Variants in SLC6A13 observed in about 807,000 individuals in gnomAD.
SLC6A13 encodes the protein sodium- and chloride-dependent GABA transporter 2.
In SLC6A13, 69 loss-of-function variants were observed where a neutral mutation model predicts 72.9. That is an observed-to-expected ratio of 0.95 (90% confidence interval 0.78 to 1.16). The LOEUF is 1.16. Among genes scored for constraint, SLC6A13 ranks in the 50% most tolerant of loss-of-function variants. SLC6A13 has a pLI of 0.00. For synonymous variants in SLC6A13, 303 were observed against 303.0 expected (o/e 1.00, Z 0.00); for missense variants, 735 against 760.5 (o/e 0.97, Z 0.39).
In SLC6A13 at chr12:235,111, G is replaced by A; in HGVS notation, c.810C>T (p.Leu270=). The change falls in exon 7 of 15, where the codon CTC becomes CTT. Residue 270 remains leucine, a synonymous_variant. Transcript: ENST00000343164. ...TTACCTGGGGATCCCACAGACGCGT[G>A]AGGTTTGGGTACAGGTAAAACTGAA... ...QGIQFYLYPN[L]TRLWDPQVWM... 4 of 1,614,260 alleles carry A rather than the reference G, an allele frequency of 2.5e-6. No homozygotes were observed. The highest frequency in any genetic ancestry group is 1.3e-5 in the African/African-American group (1 of 75,068).
intron 4 of SLC6A13, among the ~76,000 whole-genome samples, chr12:240,117 G>A (rs1275582927): frequency 1.3e-5 from 2 of 152,076 alleles, no homozygotes; most frequent in African/African-American, 2.4e-5. Flanking sequence ...TGACAGGCTG[G>A]TTGTCAAGGG....
intron 6 of SLC6A13, among the ~76,000 whole-genome samples, chr12:236,463 A>C (rs1941935330): frequency 6.6e-6 from 1 of 152,212 alleles, no homozygotes; most frequent in African/African-American, 2.4e-5. Flanking sequence ...GGTTCCCCGG[A>C]TATAGTTCCA....
At chr12:235,580 T>C (rs1941900516) in intron 6 of SLC6A13, among the ~76,000 whole-genome samples, 1 of 152,204 alleles carries the variant, frequency 6.6e-6, no homozygotes, top group Non-Finnish European at 1.5e-5. Context: ...ACCGTGATAA[T>C]TGTATTAACT....
chr12:253,220 C>T (rs1414333767), intron 2 of SLC6A13, among the ~76,000 whole-genome samples: 2 of 152,208 alleles, frequency 1.3e-5, no homozygotes, highest in Non-Finnish European at 2.9e-5. Context: ...AAAAGGAGCA[C>T]GCTCTGTGGT....
intron 5 of SLC6A13, 138 bp downstream of exon 5, chr12:237,788 C>T: frequency 1.5e-6 from 1 of 674,530 alleles, no homozygotes; most frequent in South Asian, 1.8e-5. Flanking sequence ...TAACCACAAA[C>T]ATAGGCACCA....
intron 4 of SLC6A13, among the ~76,000 whole-genome samples, chr12:239,074 ACG>A (rs1211309507): frequency 3.7e-4 from 56 of 150,172 alleles, no homozygotes; most frequent in African/African-American, 9.1e-4. Flanking sequence ...CTGCTCTACC[ACG>A]TCCACCCTGT....
Position 243,312 on chromosome 12 carries a change from G to A in SLC6A13, c.337+367C>T, listed in dbSNP as rs551855497. On this transcript the variant is annotated intron_variant, in intron 3 of 14. Transcript: ENST00000343164. ...TTACAGGCATGGGCCACCACGCCCG[G>A]CCAAGATAGAACTATGAATGAAATA... Among the ~76,000 whole-genome samples the A allele has an allele frequency of 4.3e-4, 65 of 152,336 alleles. No individual in the cohort carries two copies. In the South Asian group the frequency reaches 0.013, roughly 31 times the overall value.
At chr12:259,719 T>C (rs1423122926) in intron 2 of SLC6A13, 132 bp downstream of exon 2, 11 of 1,581,524 alleles carry the variant, frequency 7.0e-6, no homozygotes, top group Non-Finnish European at 9.5e-6. Flanking sequence ...GTGTCCTTAA[T>C]GACCTCTAAG....
chr12:259,533 C>G (rs1222219265), intron 2 of SLC6A13: 1 of 1,359,420 alleles, frequency 7.4e-7, no homozygotes, highest in Non-Finnish European at 9.4e-7. Context: ...GCAATTGATG[C>G]TCTGAGAGCT....
chr12:254,636 T>C lies in SLC6A13; in HGVS notation c.202+5215A>G, dbSNP rs535118198. On this transcript the variant is annotated intron_variant, in intron 2 of 14. Transcript: ENST00000343164. The surrounding 1 kb of genome is among the most constrained non-coding windows in gnomAD (Gnocchi z 4.4). ...GTTTCTCATTTTCTGTCTCCTCTGC[T>C]GGTTTCCCATCTTCTCCCAGACCCA... is the stretch of plus-strand genomic sequence containing the variant. 2.6e-5 allele frequency among the ~76,000 whole-genome samples: 4 copies of C among 152,340 alleles called. No homozygotes were observed. Among genetic ancestry groups the C allele is most frequent in the Non-Finnish European group, 4.4e-5 (3 of 68,032 alleles).
At chr12:259,816 G>A in intron 2 of SLC6A13, 35 bp downstream of exon 2, 1 of 1,614,230 alleles carries the variant, frequency 6.2e-7, no homozygotes, top group Admixed American at 1.7e-5. Context: ...CTCCTTCCAG[G>A]AGTGGGTGGG....
intron 2 of SLC6A13, among the ~76,000 whole-genome samples, chr12:246,137 A>AAATG (rs1401580588): frequency 3.2e-4 from 20 of 63,090 alleles, no homozygotes; most frequent in South Asian, 4.8e-4. Flanking sequence ...AAGTAAAAAT[A>AAATG]AATAAATAAA....
chr12:238,411 C>T lies in SLC6A13; in HGVS notation c.479-401G>A, dbSNP rs1455482892. ...GAGAGCGCAGGTTGGAAAGCTCTGG[C>T]TTGAATGCTGACCCCACGGGTATGA... On this transcript the variant is annotated intron_variant, in intron 4 of 14. Transcript: ENST00000343164. 1.9e-5 allele frequency: 21 copies of T among 1,118,752 alleles called. No individual in the cohort carries two copies. The East Asian group carries it at 9.7e-4, about 52-fold the overall frequency. 69.3% of individuals were successfully genotyped at this position (1,118,752 alleles called of 1,614,324 possible).
chr12:238,388 G>T, intron 4 of SLC6A13: 1 of 1,278,036 alleles, frequency 7.8e-7, no homozygotes, highest in Non-Finnish European at 1.0e-6. Context: ...GAGTGGCCGA[G>T]AGCGCAGGTT....
In SLC6A13 at chr12:259,998, G is replaced by T. The variant is rs748228106; in HGVS notation, c.55C>A (p.Pro19Thr). The T allele has an allele frequency of 6.2e-7, 1 of 1,614,094 alleles. No homozygotes were observed. The highest frequency in any genetic ancestry group is 8.5e-7 in the Non-Finnish European group (1 of 1,180,020). The change falls in exon 2 of 15, where the codon CCA becomes ACA. Residue 19 changes from proline to threonine, a missense_variant. Pro to Thr is a conservative substitution (Grantham distance 38). Transcript: ENST00000343164. ...TCTTCCTCCTTCTTTTCCATGACTG[G>T]ATACACTGGTTTTGTCTCTCCATTA... ...TSNGETKPVY[P>T]VMEKKEEDGT...
chr12:220,943 G>A lies in SLC6A13; in HGVS notation c.*5C>T, dbSNP rs1488410730. The A allele has an allele frequency of 6.2e-7, 1 of 1,611,860 alleles. No homozygotes were observed. Among genetic ancestry groups the A allele is most frequent in the Non-Finnish European group, 8.5e-7 (1 of 1,179,852 alleles). On this transcript the variant is annotated 3_prime_UTR_variant, in exon 15 of 15. Coordinates refer to ENST00000343164, the MANE Select transcript of SLC6A13 (RefSeq NM_016615.5). ...GCACACAGGCACCATCCAAGGGCCT[G>A]CCCCCTAGCAGTGAGACTCTAGCTC...
chr12:221,113 G>A (rs1472292487), intron 14 of SLC6A13, 43 bp from the exon 15 acceptor site: 4 of 1,549,104 alleles, frequency 2.6e-6, no homozygotes, highest in Admixed American at 1.9e-5. Context: ...TGGAGCGGGG[G>A]CAGGTCTGCC....
chr12:255,893 A>T (rs968425960), intron 2 of SLC6A13, among the ~76,000 whole-genome samples: 8 of 152,084 alleles, frequency 5.3e-5, no homozygotes, highest in Non-Finnish European at 1.0e-4. Context: ...GTCCTCCTCA[A>T]ACAAGCCAGC....
At chr12:242,031 G>A (rs493624) in intron 4 of SLC6A13, among the ~76,000 whole-genome samples, 41,241 of 152,158 alleles carry the variant, frequency 0.27, 5,816 homozygotes, top group East Asian at 0.46. Flanking sequence ...CCAGGTGTGC[G>A]ATGGGCTGGG....
Sources: gnomAD v4.1 joint callset for allele counts (sites outside exome capture counted in the v4.1 genomes callset) on GRCh38, gnomAD v4.1.1 for gene constraint, Gnocchi (gnomAD v3.1) non-coding constraint, MANE v1.5 for transcripts, NCBI Gene and HGNC (gene_info 2026-07-23, HGNC 2026-07-21) for gene names.